Variants in DENND4B observed in about 807,000 individuals in gnomAD.
DENND4B encodes DENN domain containing 4B.
A neutral mutation model predicts 161.0 loss-of-function variants in DENND4B; 67 were observed. The observed-to-expected ratio is 0.42, with a 90% CI of 0.34 to 0.51. DENND4B has a LOEUF of 0.51. Ranked by LOEUF, DENND4B falls within the 20% of genes least tolerant of loss-of-function variation. DENND4B has a pLI of 0.08. For synonymous variants in DENND4B, 753 were observed against 813.8 expected (o/e 0.93, Z 1.27); for missense variants, 1,481 against 1,968.0 (o/e 0.75, Z 4.68).
Position 153,933,204 on chromosome 1 carries a change from G to A in DENND4B, c.3446C>T (p.Ser1149Phe). The change falls in exon 21 of 28, where the codon TCC becomes TTC. Residue 1149 changes from serine (S) to phenylalanine (F), a missense_variant. By Grantham distance (155) the Ser-to-Phe change is radical. Coordinates refer to ENST00000361217, the MANE Select transcript of DENND4B (RefSeq NM_014856.3). This position sits in a 1 kb window ranked among gnomAD's most constrained non-coding sequence, Gnocchi z 5.7. The part of the protein sequence containing the change: ...SDTPGSFQSP[S>F]LEILLSSCSL... ...GGGAGGGGTTATCCTCACTTCCAGGGAAGGTGACTGGAAGGATCCAGGGGT... is the reference window on the plus strand; with the variant it reads ...GGGAGGGGTTATCCTCACTTCCAGGAAAGGTGACTGGAAGGATCCAGGGGT... 1 of 1,613,110 alleles carries A rather than the reference G, an allele frequency of 6.2e-7. No homozygotes were observed. The highest frequency in any genetic ancestry group is 8.5e-7 in the Non-Finnish European group (1 of 1,179,518).
chr1:153,941,773 C>CTGGGGGGGGGG, intron 6 of DENND4B, 96 bp downstream of exon 6: 10 of 1,426,302 alleles, frequency 7.0e-6, no homozygotes, highest in Non-Finnish European at 7.7e-6. Context: ...ACCCTGTGCC[C>CTGGGGGGGGGG]AGCCCTCCCC....
chr1:153,941,909 G>T lies in DENND4B; in HGVS notation c.1015C>A (p.Arg339Ser). 6.2e-7 allele frequency: 1 copy of T among 1,612,224 alleles called. No individual in the cohort carries two copies. The highest frequency in any genetic ancestry group is 8.5e-7 in the Non-Finnish European group (1 of 1,179,866). Reference sequence around the variant, plus strand: ...CGGTGGGGGCCTGAGACGGAGTAGCGGTAAAGGAAGGTGAGGAAGGCGCGG... The same window carrying T: ...CGGTGGGGGCCTGAGACGGAGTAGCTGTAAAGGAAGGTGAGGAAGGCGCGG... ...AFRAFLTFLYRYSVSGPHRLP... is the reference protein window; with the variant it reads ...AFRAFLTFLYSYSVSGPHRLP... Residue 339 changes from arginine (R) to serine (S), a missense_variant, in exon 6 of 28, where the codon CGC becomes AGC. By Grantham distance (110) the Arg-to-Ser change is moderately radical (BLOSUM62 -1). Coordinates refer to ENST00000361217, the MANE Select transcript of DENND4B (RefSeq NM_014856.3).
chr1:153,934,920 A>T lies in DENND4B; in HGVS notation c.2613T>A (p.Arg871=). 1 of 1,613,330 alleles carries T rather than the reference A, an allele frequency of 6.2e-7. No homozygotes were observed. Residue 871 remains arginine (R), a synonymous_variant, in exon 18 of 28, where the codon CGT becomes CGA. Coordinates refer to ENST00000361217, the MANE Select transcript of DENND4B (RefSeq NM_014856.3). This position sits in a 1 kb window ranked among gnomAD's most constrained non-coding sequence, Gnocchi z 5.3. ...CATTCCGGAGCTTGGCCCAGCGCAG[A>T]CGCCCACCTGGTGTGCCAGACGGCC... ...SKWPSGTPGG[R]LRWAKLRNVV... is the part of the protein sequence containing the mutation.
Position 153,943,084 on chromosome 1 carries a change from G to A in DENND4B, c.364C>T (p.Leu122Phe). 1.9e-6 allele frequency: 3 copies of A among 1,613,960 alleles called. No homozygotes were observed. The highest frequency in any genetic ancestry group is 2.5e-6 in the Non-Finnish European group (3 of 1,179,868). ...GAGTGGCTGTAGGGTGTCGTGTCAA[G>A]CACTTGGAAGCCAGGCTTGGGACGT... The part of the protein sequence containing the change: ...KERPKPGFQV[L>F]DTTPYSHSAN... Residue 122 changes from leucine to phenylalanine, a missense_variant, in exon 3 of 28, where the codon CTT becomes TTT. Physicochemically the swap from Leu to Phe is conservative, Grantham distance 22. Transcript: ENST00000361217.
intron 17 of DENND4B, 121 bp from the exon 18 acceptor site, chr1:153,935,085 G>A: frequency 6.7e-7 from 1 of 1,486,536 alleles, no homozygotes; most frequent in South Asian, 1.3e-5. Context: ...GTCTAGGACT[G>A]TCCGGCCAAT....
In DENND4B at chr1:153,930,552, G is replaced by A; in HGVS notation, c.4332C>T (p.Asp1444=). ...CTGCAATCTCACCTATGTCCACGTG[G>A]TCCTTGCCCAGAGCAGCCATTGTCA... The part of the protein sequence containing the change: ...LFLTMAALGK[D]HVDIVAFDKK... Residue 1444 remains aspartate, a synonymous_variant, in exon 27 of 28, where the codon GAC becomes GAT. Coordinates refer to ENST00000361217, the MANE Select transcript of DENND4B (RefSeq NM_014856.3). This position sits in a 1 kb window ranked among gnomAD's most constrained non-coding sequence, Gnocchi z 4.7. 1 of 1,614,038 alleles carries A rather than the reference G, an allele frequency of 6.2e-7. No homozygotes were observed. The highest frequency in any genetic ancestry group is 8.5e-7 in the Non-Finnish European group (1 of 1,179,904).
chr1:153,941,556 T>C (rs1679672982), intron 6 of DENND4B, 116 bp from the exon 7 acceptor site: 12 of 1,288,590 alleles, frequency 9.3e-6, no homozygotes, highest in Non-Finnish European at 1.3e-5. Flanking sequence ...TGAACCCCAC[T>C]TTGAGACCTG....
chr1:153,940,934 C>A lies in DENND4B; in HGVS notation c.1296G>T (p.Leu432=), dbSNP rs749895136. 5.7e-6 allele frequency: 9 copies of A among 1,592,576 alleles called. No individual in the cohort carries two copies. The highest frequency in any genetic ancestry group is 7.7e-6 in the Non-Finnish European group (9 of 1,171,780). Residue 432 remains leucine, a synonymous_variant, in exon 9 of 28, where the codon CTG becomes CTT. Coordinates refer to ENST00000361217, the MANE Select transcript of DENND4B (RefSeq NM_014856.3). This position sits in a 1 kb window ranked among gnomAD's most constrained non-coding sequence, Gnocchi z 5.6. The part of the protein sequence containing the change: ...KLLVHSLRPD[L]LTSVCEALVS... ...CGAGGGCCTCACAGACGCTGGTGAG[C>A]AGGTCTGGCCGCAGCGAGTGGACTA...
chr1:153,936,058 A>G lies in DENND4B; in HGVS notation c.2568+2T>C. On this transcript the variant is annotated splice_donor_variant, in intron 17 of 27. Coordinates refer to ENST00000361217, the MANE Select transcript of DENND4B (RefSeq NM_014856.3). LOFTEE classifies it high-confidence loss of function. This position sits in a 1 kb window ranked among gnomAD's most constrained non-coding sequence, Gnocchi z 4.1. ...TCCCACCCCTCACCCCAAAGTAGGT[A>G]CCTTATTGTAGTAGCCATAGGTGAT... The G allele has an allele frequency of 1.2e-6, 2 of 1,612,690 alleles. No individual in the cohort carries two copies. Among genetic ancestry groups the G allele is most frequent in the Non-Finnish European group, 1.7e-6 (2 of 1,179,324 alleles).
At chr1:153,943,678 TAAAAAAAA>T (rs11330733) in intron 2 of DENND4B, among the ~76,000 whole-genome samples, 1 of 92,402 alleles carries the variant, frequency 1.1e-5, no homozygotes, top group Non-Finnish European at 2.2e-5. Context: ...ACTCTGTCTA[TAAAAAAAA>T]AAAAAAAAAA....
intron 6 of DENND4B, 90 bp downstream of exon 6, chr1:153,941,772 CCAGCCCT>C: frequency 1.4e-6 from 2 of 1,464,446 alleles, no homozygotes; most frequent in Non-Finnish European, 9.3e-7. Flanking sequence ...TACCCTGTGC[CCAGCCCT>C]CCCCCCACCC....
In DENND4B at chr1:153,941,368, T is replaced by A. The variant is rs762818698; in HGVS notation, c.1122+6A>T. Reference sequence around the variant, plus strand: ...CCATCAGCCCGGCCCCAGCCTCAGCTCTCACCTGCACTAGGATGCGGGGTC... The same window carrying A: ...CCATCAGCCCGGCCCCAGCCTCAGCACTCACCTGCACTAGGATGCGGGGTC... On this transcript the variant is annotated splice_donor_region_variant and intron_variant, in intron 7 of 27. Transcript: ENST00000361217. 5.6e-6 allele frequency: 9 copies of A among 1,613,082 alleles called. No individual in the cohort carries two copies. In the East Asian group the frequency reaches 2.0e-4, roughly 36 times the overall value.
Position 153,937,478 on chromosome 1 carries a change from C to A in DENND4B, c.2232+10G>T. 6.5e-7 allele frequency: 1 copy of A among 1,538,534 alleles called. No individual in the cohort carries two copies. The highest frequency in any genetic ancestry group is 1.2e-5 in the South Asian group (1 of 83,116). ...TCCGGGTCCCTCAGTGCGGTCCACCCACTGCTTACCTGTTTGGTACGGCGA... is the reference window on the plus strand; with the variant it reads ...TCCGGGTCCCTCAGTGCGGTCCACCAACTGCTTACCTGTTTGGTACGGCGA... On this transcript the variant is annotated intron_variant, in intron 15 of 27. Coordinates refer to ENST00000361217, the MANE Select transcript of DENND4B (RefSeq NM_014856.3). The surrounding 1 kb of genome is among the most constrained non-coding windows in gnomAD (Gnocchi z 4.7).
intron 6 of DENND4B, 83 bp downstream of exon 6, chr1:153,941,786 A>ACCC: frequency 2.4e-6 from 1 of 417,700 alleles, no homozygotes. Flanking sequence ...CCCTCCCCCC[A>ACCC]CCCACATCTG....
intron 13 of DENND4B, among the ~76,000 whole-genome samples, chr1:153,938,605 G>A (rs1679487708): frequency 6.6e-6 from 1 of 151,608 alleles, no homozygotes; most frequent in African/African-American, 2.4e-5. Flanking sequence ...AGGAGGCTGA[G>A]GCAGGAGAAT....
rs1230776022 is a variant in DENND4B at position 153,932,223 on chromosome 1, T to G, written c.3977A>C (p.Asp1326Ala). Reference sequence around the variant, plus strand: ...ACTGACCTGGGAGTGCGAAGGCCCATCACAGGAGGCCAGCACCAGGCCTGG... The same window carrying G: ...ACTGACCTGGGAGTGCGAAGGCCCAGCACAGGAGGCCAGCACCAGGCCTGG... ...ILPGLVLASC[D>A]GPSHSQAPSP... Residue 1326 changes from aspartate (D) to alanine (A), a missense_variant, in exon 24 of 28, where the codon GAT becomes GCT. Asp to Ala is a moderately radical substitution (Grantham distance 126). Coordinates refer to ENST00000361217, the MANE Select transcript of DENND4B (RefSeq NM_014856.3). This position sits in a 1 kb window ranked among gnomAD's most constrained non-coding sequence, Gnocchi z 5.8. 3 of 1,613,838 alleles carry G rather than the reference T, an allele frequency of 1.9e-6. No individual in the cohort carries two copies. The highest frequency in any genetic ancestry group is 2.5e-6 in the Non-Finnish European group (3 of 1,179,838).
chr1:153,941,005 G>C lies in DENND4B; in HGVS notation c.1225C>G (p.Leu409Val). The change falls in exon 9 of 28, where the codon CTG becomes GTG. Residue 409 changes from leucine (L) to valine (V), a missense_variant. Leu to Val is a conservative substitution (Grantham distance 32, BLOSUM62 1). This residue lies in a region of DENND4B where 806 missense variants were observed against 1,134.4 expected (regional missense o/e 0.71). Coordinates refer to ENST00000361217, the MANE Select transcript of DENND4B (RefSeq NM_014856.3). Reference sequence around the variant, plus strand: ...ACAGCCAGCAGCAGTGTGATAGCCAGCTCAGGGCCCAGGCTCTGCAGCAGC... The same window carrying C: ...ACAGCCAGCAGCAGTGTGATAGCCACCTCAGGGCCCAGGCTCTGCAGCAGC... ...LQLLQSLGPE[L>V]AITLLLAVLT... The C allele has an allele frequency of 6.3e-7, 1 of 1,575,814 alleles. No individual in the cohort carries two copies. Among genetic ancestry groups the C allele is most frequent in the African/African-American group, 1.3e-5 (1 of 74,124 alleles).
At chr1:153,945,144 T>A in intron 1 of DENND4B, 2 of 1,289,546 alleles carry the variant, frequency 1.6e-6, no homozygotes, top group Non-Finnish European at 2.0e-6. Flanking sequence ...CCTGCCTCCA[T>A]GGCCCAACCC....
chr1:153,943,087 C>T lies in DENND4B; in HGVS notation c.361G>A (p.Val121Met). The T allele has an allele frequency of 1.2e-6, 2 of 1,613,948 alleles. No individual in the cohort carries two copies. Among genetic ancestry groups the T allele is most frequent in the African/African-American group, 2.7e-5 (2 of 75,060 alleles). ...GKERPKPGFQ[V>M]LDTTPYSHSA... is the part of the protein sequence containing the mutation. ...TGGCTGTAGGGTGTCGTGTCAAGCA[C>T]TTGGAAGCCAGGCTTGGGACGTTCC... is the stretch of plus-strand genomic sequence containing the variant. The change falls in exon 3 of 28, where the codon GTG (valine) becomes ATG (methionine). Residue 121 changes from valine to methionine, a missense_variant. By Grantham distance (21) the Val-to-Met change is conservative (BLOSUM62 1). Transcript: ENST00000361217.
Sources: gnomAD v4.1 joint callset for allele counts (sites outside exome capture counted in the v4.1 genomes callset) on GRCh38, gnomAD v4.1.1 for gene constraint, gnomAD v4.1.1 regional missense constraint, Gnocchi (gnomAD v3.1) non-coding constraint, MANE v1.5 for transcripts, NCBI Gene and HGNC (gene_info 2026-07-23, HGNC 2026-07-21) for gene names.